ADK: variants seen among roughly 807,000 people sequenced by gnomAD.
ADK encodes N6,N6-dimethyladenosine kinase.
A neutral mutation model predicts 44.7 loss-of-function variants in ADK; 24 were observed. The ratio of observed to expected loss-of-function variants is 0.54; its 90% confidence interval spans 0.39 to 0.76. The LOEUF is 0.76. ADK is among the 30% of genes least tolerant of loss of function. The probability of loss-of-function intolerance (pLI) is 0.00; values close to 1 mark genes in which losing one functional copy is unlikely to be tolerated. For missense variants in ADK, 321 were observed against 425.1 expected (o/e 0.76, Z 2.15); for synonymous variants, 128 against 142.6 (o/e 0.90, Z 0.73).
At chr10:74,643,812 A>C (rs1853959631) in intron 9 of ADK, among the ~76,000 whole-genome samples, 2 of 152,206 alleles carry the variant, frequency 1.3e-5, no homozygotes, top group Non-Finnish European at 2.9e-5. Flanking sequence ...GATTTAGATG[A>C]TTAGAGGCTA....
At position 74,386,941 on chromosome 10, in the gene ADK, G is replaced by GTTT. The variant is rs10631417; in HGVS notation, c.274-7189_274-7187dup. 4.9e-3 allele frequency among the ~76,000 whole-genome samples: 717 copies of GTTT among 147,362 alleles called. 8 individuals are homozygous for GTTT. Among genetic ancestry groups the GTTT allele is most frequent in the Middle Eastern group, 0.01 (3 of 288 alleles). On this transcript the variant is annotated intron_variant, in intron 4 of 10. Coordinates refer to ENST00000539909, the MANE Select transcript of ADK (RefSeq NM_006721.4). The stretch of plus-strand genomic sequence containing the variant: ...TGAACCACTAGCTCCAGATATTTCA[G>GTTT]TTTTTTTTTTTTTGAGATGGAGACT...
chr10:74,430,843 T>C (rs549224376), intron 6 of ADK, among the ~76,000 whole-genome samples: 109 of 151,936 alleles, frequency 7.2e-4, no homozygotes, highest in African/African-American at 2.5e-3. Flanking sequence ...GAAGGAAATA[T>C]GCCTAGAGTG....
At chr10:74,308,510 A>G (rs1042907068) in intron 3 of ADK, among the ~76,000 whole-genome samples, 8 of 152,150 alleles carry the variant, frequency 5.3e-5, no homozygotes, top group Non-Finnish European at 7.4e-5. Flanking sequence ...GAATTTTACA[A>G]TTTGCCTGTC....
intron 4 of ADK, among the ~76,000 whole-genome samples, chr10:74,317,340 T>C (rs563053642): frequency 1.5e-4 from 23 of 152,324 alleles, no homozygotes; most frequent in African/African-American, 5.3e-4. Context: ...TGCTTAAGTT[T>C]GATAATTGAT....
At chr10:74,537,913 G>C (rs1163299806) in intron 7 of ADK, among the ~76,000 whole-genome samples, 1 of 152,006 alleles carries the variant, frequency 6.6e-6, no homozygotes, top group Non-Finnish European at 1.5e-5. Context: ...TTTAGATAAA[G>C]CTCCCCCTCA....
At chr10:74,687,974 G>A (rs764786276) in intron 10 of ADK, among the ~76,000 whole-genome samples, 3 of 152,030 alleles carry the variant, frequency 2.0e-5, no homozygotes, top group African/African-American at 7.2e-5. Context: ...CAACCTTTCC[G>A]TTGCTTCTCA....
At chr10:74,668,928 G>A (rs781772472) in intron 9 of ADK, among the ~76,000 whole-genome samples, 1 of 151,082 alleles carries the variant, frequency 6.6e-6, no homozygotes, top group Non-Finnish European at 1.5e-5. Context: ...CGTGTCTGTG[G>A]TCCCAACTAC....
intron 8 of ADK, among the ~76,000 whole-genome samples, chr10:74,599,897 C>T (rs1564812810): frequency 2.6e-5 from 4 of 152,086 alleles, no homozygotes; most frequent in African/African-American, 9.7e-5. Flanking sequence ...TAATTATGTT[C>T]TGTAAACCTC....
intron 3 of ADK, among the ~76,000 whole-genome samples, chr10:74,271,676 C>T (rs1004032897): frequency 1.4e-5 from 2 of 146,880 alleles, no homozygotes; most frequent in African/African-American, 5.1e-5. Context: ...GGTTTTTTGT[C>T]CTTGTGATAG....
At chr10:74,401,541 A>G (rs1456930785) in intron 6 of ADK, among the ~76,000 whole-genome samples, 2 of 150,444 alleles carry the variant, frequency 1.3e-5, no homozygotes, top group South Asian at 4.2e-4. Flanking sequence ...AGTCTGTTTT[A>G]TCAGAGACTA....
At chr10:74,174,595 T>C (rs1312236748) in intron 1 of ADK, 2 of 152,260 alleles carry the variant, frequency 1.3e-5, no homozygotes, top group Non-Finnish European at 2.9e-5. Flanking sequence ...GTGGATTATC[T>C]ATCAACATTT....
At chr10:74,527,060 G>A (rs1484864381) in intron 7 of ADK, among the ~76,000 whole-genome samples, 2 of 152,086 alleles carry the variant, frequency 1.3e-5, no homozygotes, top group Non-Finnish European at 2.9e-5. Flanking sequence ...TTTTAAAAAA[G>A]ATAAATATGA....
intron 6 of ADK, among the ~76,000 whole-genome samples, chr10:74,494,906 G>A (rs1847627935): frequency 6.6e-6 from 1 of 152,172 alleles, no homozygotes; most frequent in Admixed American, 6.5e-5. Context: ...GAGAACCAAA[G>A]TGTCTCAAAG....
At chr10:74,253,152 G>A (rs1314680099) in intron 3 of ADK, among the ~76,000 whole-genome samples, 2 of 152,360 alleles carry the variant, frequency 1.3e-5, no homozygotes, top group African/African-American at 4.8e-5. Context: ...CAAGCCAGAG[G>A]TAGAAGAAAA....
At chr10:74,608,092 G>A (rs1045532271) in intron 9 of ADK, among the ~76,000 whole-genome samples, 2 of 151,740 alleles carry the variant, frequency 1.3e-5, no homozygotes, top group African/African-American at 4.8e-5. Flanking sequence ...GGTCATTTAT[G>A]TTCTTCTCTA....
At chr10:74,582,431 C>G (rs538859990) in intron 7 of ADK, among the ~76,000 whole-genome samples, 1 of 152,234 alleles carries the variant, frequency 6.6e-6, no homozygotes, top group South Asian at 2.1e-4. Context: ...TTGGGTTGTT[C>G]TGAAAGAAAT....
chr10:74,539,029 CT>C (rs904966450), intron 7 of ADK, among the ~76,000 whole-genome samples: 2 of 151,946 alleles, frequency 1.3e-5, no homozygotes, highest in Non-Finnish European at 2.9e-5. Flanking sequence ...GGTTAAGAGC[CT>C]TTTTTTCTTT....
At chr10:74,598,333 A>T (rs1314019122) in intron 8 of ADK, among the ~76,000 whole-genome samples, 1 of 149,146 alleles carries the variant, frequency 6.7e-6, no homozygotes, top group Non-Finnish European at 1.5e-5. Flanking sequence ...CCATTTTATG[A>T]GGTTTAATTT....
At chr10:74,560,409 GT>G (rs1232186770) in intron 7 of ADK, among the ~76,000 whole-genome samples, 30 of 152,154 alleles carry the variant, frequency 2.0e-4, no homozygotes, top group Admixed American at 3.3e-4. Flanking sequence ...TTGAGTCCTA[GT>G]GTACCAAGTA....
Sources: allele counts gnomAD v4.1 joint callset (sites outside exome capture counted in the v4.1 genomes callset), GRCh38; gene constraint gnomAD v4.1.1; transcripts MANE v1.5; gene names NCBI Gene and HGNC (gene_info 2026-07-23, HGNC 2026-07-21).